ZDHHC3: variants seen among roughly 807,000 people sequenced by gnomAD.
The protein encoded by ZDHHC3 is palmitoyltransferase ZDHHC3.
ZDHHC3 carries 9 observed loss-of-function variants against 30.6 expected under a neutral mutation model. The ratio of observed to expected loss-of-function variants is 0.29; its 90% CI spans 0.18 to 0.51. ZDHHC3 has a LOEUF of 0.51. Among genes scored for constraint, ZDHHC3 ranks in the 20% least tolerant of loss-of-function variants. The pLI is 0.97. For synonymous variants in ZDHHC3, 136 were observed against 140.2 expected (o/e 0.97, Z 0.21); for missense variants, 246 against 384.2 (o/e 0.64, Z 3.01).
At chr3:44,969,135 AGTTTGTGAACCCCTTGTAATCCAGTGCAT>A (rs1366033248) in intron 1 of ZDHHC3, among the ~76,000 whole-genome samples, 4 of 152,346 alleles carry the variant, frequency 2.6e-5, no homozygotes, top group African/African-American at 9.6e-5. Flanking sequence ...ATACTCTCAT[AGTTTGTGAACCCCTTGTAATCCAGTGCAT>A]GATCTCATTT....
chr3:44,932,372 T>A (rs1653663858), intron 5 of ZDHHC3, among the ~76,000 whole-genome samples: 1 of 152,008 alleles, frequency 6.6e-6, no homozygotes, highest in South Asian at 2.1e-4. Context: ...CTAAAGACAG[T>A]GAAATAAAAA....
rs1313052867 is a variant in ZDHHC3 at position 44,917,944 on chromosome 3, G to A, written c.*8745C>T. On this transcript the variant is annotated 3_prime_UTR_variant, in exon 7 of 7. Transcript: ENST00000424952. ...GTCCTCGTCCTTTGTCTCCTCTGAT[G>A]GATCCTCCATTGTTTCGGTGTCTGA... The A allele has an allele frequency of 1.5e-6, 2 of 1,305,262 alleles. No homozygotes were observed. The highest frequency in any genetic ancestry group is 2.5e-5 in the South Asian group (2 of 81,026). The allele number at this position is 1,305,262 out of a possible 1,614,324, so 80.9% of individuals were successfully genotyped here.
intron 2 of ZDHHC3, among the ~76,000 whole-genome samples, chr3:44,957,575 TTCCCACCAC>T (rs1397881646): frequency 1.3e-5 from 2 of 152,180 alleles, no homozygotes; most frequent in African/African-American, 4.8e-5. Flanking sequence ...TCTTCCTAAG[TTCCCACCAC>T]TCCTGGTGCC....
At position 44,922,481 on chromosome 3, in the gene ZDHHC3, T is replaced by C. The variant is rs1700662852; in HGVS notation, c.*4208A>G. The stretch of plus-strand genomic sequence containing the variant: ...CAGACTTTCTTTGATGTCTTGGCAG[T>C]TGTTTGTTGGGGAGGCCGCAGCTTA... On this transcript the variant is annotated 3_prime_UTR_variant, in exon 7 of 7. Coordinates refer to ENST00000424952, the MANE Select transcript of ZDHHC3 (RefSeq NM_001135179.2). 7 of 985,434 alleles carry C rather than the reference T, an allele frequency of 7.1e-6. No individual in the cohort carries two copies. The highest frequency in any genetic ancestry group is 7.2e-6 in the Non-Finnish European group (6 of 829,914). The allele number at this position is 985,434 out of a possible 1,614,324, so 61.0% of individuals were successfully genotyped here. A position where few individuals can be genotyped will look rare whatever the true frequency, so the allele number is the denominator to read the frequency against.
At chr3:44,934,994 T>C (rs988845655) in intron 3 of ZDHHC3, among the ~76,000 whole-genome samples, 2 of 152,074 alleles carry the variant, frequency 1.3e-5, no homozygotes, top group Non-Finnish European at 2.9e-5. Context: ...ATTTTTGGGC[T>C]GAGCCTGTTT....
rs1704099795 is a variant in ZDHHC3 at position 44,957,961 on chromosome 3, C to A, written c.306+1170G>T. ...TAAACATTTCTGAATAAATCCTTAA[C>A]TTATTTTCAGCATGACCATATAGAT... On this transcript the variant is annotated intron_variant, in intron 2 of 6. Transcript: ENST00000424952. 2.0e-5 allele frequency among the ~76,000 whole-genome samples: 3 copies of A among 152,188 alleles called. No individual in the cohort carries two copies. The South Asian group carries it at 6.2e-4, about 31-fold the overall frequency.
At chr3:44,965,016 C>T (rs535542347) in intron 1 of ZDHHC3, among the ~76,000 whole-genome samples, 1 of 152,064 alleles carries the variant, frequency 6.6e-6, no homozygotes, top group African/African-American at 2.4e-5. Context: ...GATCCACAGG[C>T]CCAGAGGTGT....
At position 44,976,094 on chromosome 3, in the gene ZDHHC3, G is replaced by T. The variant is rs974132628; in HGVS notation, c.-186C>A. On this transcript the variant is annotated 5_prime_UTR_variant, in exon 1 of 7. Coordinates refer to ENST00000424952, the MANE Select transcript of ZDHHC3 (RefSeq NM_001135179.2). ...GGCTCTCTGGACTCGGCCAGACACC[G>T]GGCGGCGCGCAGGAGAAGCCCATCG... 1 of 448,576 alleles carries T rather than the reference G, an allele frequency of 2.2e-6. No homozygotes were observed. Among genetic ancestry groups the T allele is most frequent in the Non-Finnish European group, 3.8e-6 (1 of 262,958 alleles). 27.8% of individuals were successfully genotyped at this position (448,576 alleles called of 1,614,324 possible).
At position 44,918,696 on chromosome 3, in the gene ZDHHC3, G is replaced by C; in HGVS notation, c.*7993C>G. 1 of 995,818 alleles carries C rather than the reference G, an allele frequency of 1.0e-6. No homozygotes were observed. The highest frequency in any genetic ancestry group is 1.1e-4 in the East Asian group (1 of 9,304). 61.7% of individuals were successfully genotyped at this position (995,818 alleles called of 1,614,324 possible). On this transcript the variant is annotated 3_prime_UTR_variant, in exon 7 of 7. Transcript: ENST00000424952. Reference sequence around the variant, plus strand: ...AAGTGCCAACATGCATTAGGCAGCCGGAGGGCACACAGGACCACTGTGGGG... The same window carrying C: ...AAGTGCCAACATGCATTAGGCAGCCCGAGGGCACACAGGACCACTGTGGGG...
At position 44,918,237 on chromosome 3, in the gene ZDHHC3, G is replaced by C. The variant is rs963902391; in HGVS notation, c.*8452C>G. ...CCAGCTATAGCATAGCAGTGGCGGG[G>C]GGGGGGGCGGGGTGTCCACGGCATG... On this transcript the variant is annotated 3_prime_UTR_variant, in exon 7 of 7. Coordinates refer to ENST00000424952, the MANE Select transcript of ZDHHC3 (RefSeq NM_001135179.2). The C allele has an allele frequency of 4.7e-5, 57 of 1,211,508 alleles. No individual in the cohort carries two copies. The highest frequency in any genetic ancestry group is 5.8e-5 in the East Asian group (1 of 17,268). 75.0% of individuals were successfully genotyped at this position (1,211,508 alleles called of 1,614,324 possible). A position where few individuals can be genotyped will look rare whatever the true frequency, so the allele number is the denominator to read the frequency against.
chr3:44,946,938 G>T (rs1368663880), intron 2 of ZDHHC3, among the ~76,000 whole-genome samples: 1 of 152,190 alleles, frequency 6.6e-6, no homozygotes, highest in Admixed American at 6.5e-5. Context: ...GAGCTCAGTT[G>T]CCTGTGTTAT....
At chr3:44,948,627 A>G (rs1432335437) in intron 2 of ZDHHC3, among the ~76,000 whole-genome samples, 1 of 152,200 alleles carries the variant, frequency 6.6e-6, no homozygotes, top group Non-Finnish European at 1.5e-5. Flanking sequence ...GTGCGTCAGG[A>G]GCTAAAGGGA....
chr3:44,969,250 C>G (rs1705210427), intron 1 of ZDHHC3, among the ~76,000 whole-genome samples: 1 of 152,152 alleles, frequency 6.6e-6, no homozygotes, highest in African/African-American at 2.4e-5. Flanking sequence ...GTGGGATATG[C>G]TGAATGTAGG....
intron 2 of ZDHHC3, among the ~76,000 whole-genome samples, chr3:44,950,317 G>GT (rs1488674788): frequency 3.9e-5 from 6 of 152,162 alleles, no homozygotes; most frequent in African/African-American, 1.4e-4. Context: ...GGCCCAGGTG[G>GT]TTTTTTTGTT....
At chr3:44,965,370 A>G (rs1169359330) in intron 1 of ZDHHC3, among the ~76,000 whole-genome samples, 1 of 152,140 alleles carries the variant, frequency 6.6e-6, no homozygotes, top group Non-Finnish European at 1.5e-5. Flanking sequence ...TGGGTTGCTG[A>G]GTCAGCCTTG....
chr3:44,930,682 G>A (rs1701414168), intron 5 of ZDHHC3, among the ~76,000 whole-genome samples: 1 of 152,264 alleles, frequency 6.6e-6, no homozygotes, highest in African/African-American at 2.4e-5. Flanking sequence ...CCATGTGGGT[G>A]ACAGGTAAGA....
chr3:44,934,037 GC>G, intron 3 of ZDHHC3, 53 bp from the exon 4 acceptor site: 1 of 1,560,488 alleles, frequency 6.4e-7, no homozygotes, highest in South Asian at 1.1e-5. Flanking sequence ...TGTTGGGAGG[GC>G]CCCGGGGGAA....
At chr3:44,930,679 G>T (rs1701413383) in intron 5 of ZDHHC3, among the ~76,000 whole-genome samples, 1 of 152,218 alleles carries the variant, frequency 6.6e-6, no homozygotes, top group South Asian at 2.1e-4. Context: ...GCACCATGTG[G>T]GTGACAGGTA....
rs962161155 is a variant in ZDHHC3, at chr3:44,921,449, T to C, written c.*5240A>G. On this transcript the variant is annotated 3_prime_UTR_variant, in exon 7 of 7. Coordinates refer to ENST00000424952, the MANE Select transcript of ZDHHC3 (RefSeq NM_001135179.2). ...CAAGAGGAAACATTTTTCTGTTGCA[T>C]TCCAGAACACATATACACACAACTC... is the stretch of plus-strand genomic sequence containing the variant. The C allele has an allele frequency of 1.0e-6, 1 of 985,472 alleles. No homozygotes were observed. Among genetic ancestry groups the C allele is most frequent in the South Asian group, 4.7e-5 (1 of 21,286 alleles). The allele number at this position is 985,472 out of a possible 1,614,324, so 61.0% of individuals were successfully genotyped here. A position where few individuals can be genotyped will look rare whatever the true frequency, so the allele number is the denominator to read the frequency against.
Sources: allele counts gnomAD v4.1 joint callset (sites outside exome capture counted in the v4.1 genomes callset), GRCh38; gene constraint gnomAD v4.1.1; transcripts MANE v1.5; gene names NCBI Gene and HGNC (gene_info 2026-07-23, HGNC 2026-07-21).